RELCH: variants seen among roughly 807,000 people sequenced by gnomAD.
The protein encoded by RELCH is RAB11-binding protein RELCH.
A neutral mutation model predicts 150.3 loss-of-function variants in RELCH; 41 were observed. The observed-to-expected ratio is 0.27, with a 90% CI of 0.21 to 0.35. The LOEUF (loss-of-function observed/expected upper bound fraction) is 0.35, where lower values mean the gene tolerates loss of function less well. Ranked by LOEUF, RELCH falls within the 10% of genes least tolerant of loss-of-function variation. The probability of loss-of-function intolerance (pLI) is 1.00; values close to 1 mark genes in which losing one functional copy is unlikely to be tolerated. For synonymous variants in RELCH, 478 were observed against 531.8 expected (o/e 0.90, Z 1.39); for missense variants, 1,092 against 1,467.8 (o/e 0.74, Z 4.18).
intron 1 of RELCH, among the ~76,000 whole-genome samples, chr18:62,193,063 T>A (rs1261719418): frequency 6.6e-6 from 1 of 152,154 alleles, no homozygotes; most frequent in Non-Finnish European, 1.5e-5. Flanking sequence ...GGTTTGTAGT[T>A]CTCCTTGAAG....
intron 8 of RELCH, among the ~76,000 whole-genome samples, chr18:62,229,516 G>GTC (rs1568348533): frequency 1.3e-5 from 2 of 148,186 alleles, no homozygotes; most frequent in African/African-American, 2.5e-5. Context: ...GTGTGTGTGT[G>GTC]TGTGTCTGTC....
intron 1 of RELCH, among the ~76,000 whole-genome samples, chr18:62,210,776 A>C (rs1465709336): frequency 6.6e-6 from 1 of 152,130 alleles, no homozygotes; most frequent in Non-Finnish European, 1.5e-5. Context: ...TGACTGTGTG[A>C]TGGATAATGT....
intron 24 of RELCH, among the ~76,000 whole-genome samples, chr18:62,282,041 A>G (rs1284608082): frequency 1.3e-5 from 2 of 151,956 alleles, no homozygotes; most frequent in African/African-American, 4.8e-5. Context: ...ATACGGTGGG[A>G]TTTTTTTTCT....
intron 1 of RELCH, 101 bp downstream of exon 1, chr18:62,188,132 A>G: frequency 6.1e-6 from 8 of 1,314,884 alleles, no homozygotes; most frequent in East Asian, 2.5e-5. Flanking sequence ...CGATAGGGAC[A>G]TTTTAAGGAA....
chr18:62,274,219 T>A, intron 21 of RELCH, 133 bp downstream of exon 21: 2 of 599,096 alleles, frequency 3.3e-6, no homozygotes, highest in Non-Finnish European at 2.9e-6. Context: ...TAAGGGTTTT[T>A]TTGTGTATTT....
rs571226992 is a variant in RELCH, at chr18:62,308,536, G to A, written c.*3002G>A. The A allele has an allele frequency of 1.6e-4, 24 of 152,112 alleles. No homozygotes were observed. In the South Asian group the frequency reaches 3.7e-3, roughly 24 times the overall value. 9.4% of individuals were successfully genotyped at this position (152,112 alleles called of 1,614,324 possible). ...GTAGTTCAAGACCAGCCTGGCCAAC[G>A]TGGTGAAACCCCGCCTCTAAAAATA... On this transcript the variant is annotated 3_prime_UTR_variant, in exon 29 of 29. Transcript: ENST00000644646.
At chr18:62,248,133 A>T (rs1480556472) in intron 11 of RELCH, among the ~76,000 whole-genome samples, 3 of 152,148 alleles carry the variant, frequency 2.0e-5, no homozygotes, top group Non-Finnish European at 4.4e-5. Flanking sequence ...TTACTGCTTC[A>T]CTCAATGTAA....
intron 11 of RELCH, among the ~76,000 whole-genome samples, chr18:62,245,487 G>A (rs1555732437): frequency 1.3e-5 from 2 of 151,996 alleles, no homozygotes; most frequent in Non-Finnish European, 2.9e-5. Context: ...TCAGCTGGGC[G>A]TGGTGGTGGG....
In RELCH at chr18:62,187,805, G is replaced by C; in HGVS notation, c.300G>C (p.Gln100His). 1 of 1,597,476 alleles carries C rather than the reference G, an allele frequency of 6.3e-7. No individual in the cohort carries two copies. The highest frequency in any genetic ancestry group is 8.5e-7 in the Non-Finnish European group (1 of 1,171,882). Residue 100 changes from glutamine to histidine, a missense_variant, in exon 1 of 29, where the codon CAG becomes CAC. Physicochemically the swap from Gln to His is conservative, Grantham distance 24 (BLOSUM62 0). Around this residue, in one of 4 missense-constraint regions of RELCH, gnomAD observed 190 missense variants for 276.2 expected, o/e 0.69. Transcript: ENST00000644646. ...ARLSIDAIAAQLLRDQYLLTA... is the reference protein window; with the variant it reads ...ARLSIDAIAAHLLRDQYLLTA... ...TATCAATTGATGCGATCGCTGCTCA[G>C]CTGTTGCGCGATCAATACTTGCTGA...
At position 62,279,768 on chromosome 18, in the gene RELCH, A is replaced by G. The variant is rs924716827; in HGVS notation, c.2968-6A>G. The G allele has an allele frequency of 9.1e-6, 14 of 1,531,328 alleles. No homozygotes were observed. In the African/African-American group the frequency reaches 1.1e-4, roughly 12 times the overall value. 94.9% of individuals were successfully genotyped at this position (1,531,328 alleles called of 1,614,324 possible). ...CCTGTGAATACCCCCTGTGCTGACC[A>G]ATCAGCTGTTGGTGAAGGGGGTGAA... On this transcript the variant is annotated splice_polypyrimidine_tract_variant and splice_region_variant and intron_variant, in intron 22 of 28. Coordinates refer to ENST00000644646, the MANE Select transcript of RELCH (RefSeq NM_001346231.2).
chr18:62,216,253 C>T (rs1403369862), intron 2 of RELCH, among the ~76,000 whole-genome samples: 1 of 152,028 alleles, frequency 6.6e-6, no homozygotes, highest in African/African-American at 2.4e-5. Context: ...AGATAGATAA[C>T]GTTTCTGCTC....
At chr18:62,283,490 G>A (rs1330749313) in intron 25 of RELCH, among the ~76,000 whole-genome samples, 2 of 151,934 alleles carry the variant, frequency 1.3e-5, no homozygotes, top group Non-Finnish European at 2.9e-5. Flanking sequence ...TTTATTCTCC[G>A]GCAGACTGTT....
intron 2 of RELCH, among the ~76,000 whole-genome samples, chr18:62,220,218 A>G (rs534705242): frequency 2.0e-5 from 3 of 152,218 alleles, no homozygotes; most frequent in African/African-American, 4.8e-5. Context: ...TTGAAATTCT[A>G]CTTAATCCTA....
At chr18:62,214,924 C>G (rs1489061738) in intron 2 of RELCH, among the ~76,000 whole-genome samples, 1 of 152,168 alleles carries the variant, frequency 6.6e-6, no homozygotes, top group Non-Finnish European at 1.5e-5. Context: ...ATAGGAGGGA[C>G]AGCCTGAAAG....
chr18:62,201,473 T>TG (rs1489144023), intron 1 of RELCH, among the ~76,000 whole-genome samples: 4 of 152,154 alleles, frequency 2.6e-5, no homozygotes, highest in African/African-American at 9.7e-5. Flanking sequence ...TTGCTTGATT[T>TG]TTTTTCCATT....
At chr18:62,237,463 C>A (rs1350159728) in intron 10 of RELCH, among the ~76,000 whole-genome samples, 1 of 151,762 alleles carries the variant, frequency 6.6e-6, no homozygotes, top group African/African-American at 2.4e-5. Context: ...AATATGTGAT[C>A]TTTTCCCCAT....
intron 20 of RELCH, among the ~76,000 whole-genome samples, chr18:62,270,076 T>C (rs2043807920): frequency 6.6e-6 from 1 of 152,202 alleles, no homozygotes; most frequent in Non-Finnish European, 1.5e-5. Flanking sequence ...GTCACTTCTG[T>C]TGCTGCAGTA....
chr18:62,194,695 T>C (rs2038900469), intron 1 of RELCH, among the ~76,000 whole-genome samples: 1 of 152,224 alleles, frequency 6.6e-6, no homozygotes, highest in Admixed American at 6.5e-5. Flanking sequence ...TTGATACTAC[T>C]TGGATGTGAT....
chr18:62,207,474 A>G (rs1328755196), intron 1 of RELCH, among the ~76,000 whole-genome samples: 1 of 152,142 alleles, frequency 6.6e-6, no homozygotes, highest in Non-Finnish European at 1.5e-5. Context: ...TATGTACAAG[A>G]TTTTGTGTGG....
Sources: allele counts gnomAD v4.1 joint callset (sites outside exome capture counted in the v4.1 genomes callset), GRCh38; gene constraint gnomAD v4.1.1; regional missense constraint gnomAD v4.1.1; transcripts MANE v1.5; gene names NCBI Gene and HGNC (gene_info 2026-07-23, HGNC 2026-07-21).